Variants in TTC29 observed in about 807,000 individuals in gnomAD.
TTC29 encodes the protein tetratricopeptide repeat domain 29.
Under a neutral mutation model 58.1 loss-of-function variants are expected in TTC29, and 49 were observed. That is an observed-to-expected ratio of 0.84 (90% CI 0.67 to 1.07). The LOEUF (loss-of-function observed/expected upper bound fraction) is 1.07, where lower values mean the gene tolerates loss of function less well. Among genes scored for constraint, TTC29 ranks in the 50% least tolerant of loss-of-function variants. The pLI is 0.00. For synonymous variants in TTC29, 209 were observed against 196.8 expected (o/e 1.06, Z -0.52); for missense variants, 582 against 555.6 (o/e 1.05, Z -0.48).
At chr4:146,816,773 A>G (rs907772980) in intron 10 of TTC29, among the ~76,000 whole-genome samples, 4 of 152,340 alleles carry the variant, frequency 2.6e-5, no homozygotes, top group East Asian at 3.9e-4. Flanking sequence ...CACTTACTCT[A>G]TATCAGGAAC....
intron 11 of TTC29, among the ~76,000 whole-genome samples, chr4:146,752,703 G>A (rs1485375494): frequency 2.6e-5 from 4 of 152,112 alleles, no homozygotes; most frequent in African/African-American, 4.8e-5. Context: ...CCAAAACAGA[G>A]ATATAGACCA....
chr4:146,731,830 T>A (rs762866045), intron 11 of TTC29, among the ~76,000 whole-genome samples: 3 of 152,116 alleles, frequency 2.0e-5, no homozygotes, highest in Non-Finnish European at 4.4e-5. Flanking sequence ...AAAGTTAAGG[T>A]TGGCATTCCT....
At chr4:146,887,214 TCTTAC>T (rs1191658173) in intron 6 of TTC29, among the ~76,000 whole-genome samples, 1 of 152,142 alleles carries the variant, frequency 6.6e-6, no homozygotes, top group Non-Finnish European at 1.5e-5. Context: ...CATTAAGTAT[TCTTAC>T]CACAATAACA....
intron 8 of TTC29, among the ~76,000 whole-genome samples, chr4:146,835,314 C>T (rs1057166407): frequency 2.6e-5 from 4 of 152,004 alleles, no homozygotes; most frequent in Non-Finnish European, 5.9e-5. Flanking sequence ...ACAAGTAGCA[C>T]TTAGATCTAA....
chr4:146,883,404 T>C (rs916883860), intron 6 of TTC29, among the ~76,000 whole-genome samples: 7 of 151,832 alleles, frequency 4.6e-5, no homozygotes, highest in African/African-American at 1.7e-4. Context: ...TTTTGTTTTT[T>C]TTTCAAGTTT....
At chr4:146,800,132 A>G (rs968815829) in intron 11 of TTC29, among the ~76,000 whole-genome samples, 3 of 152,226 alleles carry the variant, frequency 2.0e-5, no homozygotes, top group Admixed American at 2.0e-4. Flanking sequence ...TTGGAAAGAA[A>G]GAATAAGCAC....
At chr4:146,831,810 A>G (rs1430740469) in intron 9 of TTC29, 1 of 415,270 alleles carries the variant, frequency 2.4e-6, no homozygotes, top group Non-Finnish European at 4.9e-6. Flanking sequence ...AGTTTCAAAA[A>G]TAATTATAAA....
At chr4:146,804,762 C>T (rs1750483968) in intron 10 of TTC29, among the ~76,000 whole-genome samples, 2 of 152,078 alleles carry the variant, frequency 1.3e-5, no homozygotes, top group Non-Finnish European at 2.9e-5. Context: ...AAACTCCCAT[C>T]TCCCTGGGAC....
intron 4 of TTC29, among the ~76,000 whole-genome samples, chr4:146,915,091 A>C (rs1734134790): frequency 6.6e-6 from 1 of 152,148 alleles, no homozygotes; most frequent in African/African-American, 2.4e-5. Flanking sequence ...TTTACAAATT[A>C]AAAAACCTGT....
intron 11 of TTC29, among the ~76,000 whole-genome samples, chr4:146,775,142 T>C (rs972787773): frequency 6.6e-6 from 1 of 152,184 alleles, no homozygotes; most frequent in Admixed American, 6.6e-5. Flanking sequence ...ATAGGTGTCA[T>C]TGCATGTGAG....
At chr4:146,756,451 G>T (rs2150055468) in intron 11 of TTC29, among the ~76,000 whole-genome samples, 1 of 152,180 alleles carries the variant, frequency 6.6e-6, no homozygotes, top group Middle Eastern at 3.4e-3. Context: ...TTTTGTATAA[G>T]AAATATTTTG....
chr4:146,943,462 C>T (rs13104820), intron 2 of TTC29, among the ~76,000 whole-genome samples: 33,876 of 151,890 alleles, frequency 0.22, 4,112 homozygotes, highest in Admixed American at 0.29. Context: ...AAAAATATCC[C>T]TCAATCAATC....
chr4:146,942,620 A>T (rs1458877131), intron 2 of TTC29: 1 of 1,533,888 alleles, frequency 6.5e-7, no homozygotes, highest in Non-Finnish European at 8.7e-7. Context: ...ACAGAGTTCC[A>T]GAGTCTTCCA....
chr4:146,750,744 T>C (rs916706275), intron 11 of TTC29, among the ~76,000 whole-genome samples: 1 of 151,920 alleles, frequency 6.6e-6, no homozygotes, highest in South Asian at 2.1e-4. Context: ...ATAAAGGAAC[T>C]TAAGCTTAGC....
intron 7 of TTC29, among the ~76,000 whole-genome samples, chr4:146,872,649 G>A (rs60635357): frequency 7.2e-5 from 11 of 151,806 alleles, no homozygotes; most frequent in African/African-American, 2.2e-4. Flanking sequence ...TCAATGTTAC[G>A]GGCCAACAGG....
At chr4:146,823,051 G>A (rs1561160533) in intron 9 of TTC29, among the ~76,000 whole-genome samples, 2 of 152,068 alleles carry the variant, frequency 1.3e-5, no homozygotes, top group African/African-American at 4.8e-5. Context: ...CATTCTGTAG[G>A]TTGCCTGTTC....
intron 11 of TTC29, among the ~76,000 whole-genome samples, chr4:146,747,444 C>T (rs528242244): frequency 8.1e-4 from 123 of 152,296 alleles, no homozygotes; most frequent in African/African-American, 2.8e-3. Context: ...GCTAAGCTAT[C>T]GCAGAACTGC....
intron 10 of TTC29, chr4:146,812,989 C>T (rs1181982391): frequency 6.6e-6 from 1 of 152,146 alleles, no homozygotes; most frequent in Non-Finnish European, 1.5e-5. Context: ...GGGAAGAGAA[C>T]AACTTCGTTT....
intron 8 of TTC29, among the ~76,000 whole-genome samples, chr4:146,844,137 G>A (rs1296897237): frequency 6.6e-6 from 1 of 152,126 alleles, no homozygotes; most frequent in East Asian, 1.9e-4. Context: ...CATGCTAAGA[G>A]TTTACATTGT....
Sources: allele counts gnomAD v4.1 joint callset (sites outside exome capture counted in the v4.1 genomes callset), GRCh38; gene constraint gnomAD v4.1.1; transcripts MANE v1.5; gene names NCBI Gene and HGNC (gene_info 2026-07-23, HGNC 2026-07-21).